Variants in PPP4R3B observed in about 807,000 individuals in gnomAD.
The protein encoded by PPP4R3B is protein phosphatase 4 regulatory subunit 3B, also known as serine/threonine-protein phosphatase 4 regulatory subunit 3B.
In PPP4R3B, 52 loss-of-function variants were observed where a neutral mutation model predicts 95.4. The observed-to-expected ratio is 0.54, with a 90% CI of 0.44 to 0.69. The LOEUF is 0.69. Ranked by LOEUF, PPP4R3B falls within the 30% of genes least tolerant of loss-of-function variation. The pLI, the probability that PPP4R3B is intolerant of heterozygous loss-of-function variation, is 0.00. For synonymous variants in PPP4R3B, 407 were observed against 343.9 expected (o/e 1.18, Z -2.03); for missense variants, 1,003 against 1,005.9 (o/e 1.00, Z 0.04).
intron 7 of PPP4R3B, among the ~76,000 whole-genome samples, chr2:55,582,875 C>G (rs751769465): frequency 6.6e-6 from 1 of 152,066 alleles, no homozygotes. Flanking sequence ...CAGTCAGGTT[C>G]TGCAAGTTTT....
intron 11 of PPP4R3B, among the ~76,000 whole-genome samples, chr2:55,576,567 T>G (rs1416995712): frequency 6.6e-6 from 1 of 151,332 alleles, no homozygotes; most frequent in Non-Finnish European, 1.5e-5. Flanking sequence ...ACGGTGAAAC[T>G]CCGCCTCTAC....
chr2:55,569,143 T>C (rs771952913), intron 12 of PPP4R3B, among the ~76,000 whole-genome samples: 3 of 152,156 alleles, frequency 2.0e-5, no homozygotes, highest in Non-Finnish European at 4.4e-5. Flanking sequence ...AGATAGGAGC[T>C]GAGGGTACAT....
chr2:55,559,048 A>G, intron 15 of PPP4R3B, 80 bp from the exon 16 acceptor site: 1 of 1,160,144 alleles, frequency 8.6e-7, no homozygotes, highest in Non-Finnish European at 1.2e-6. Context: ...GTAATTAAAA[A>G]ACTTATAAAA....
In PPP4R3B at chr2:55,564,303, A is replaced by G. The variant is rs114827448; in HGVS notation, c.2260+10T>C. ...AGGGTACACTGTGCAAAAATTCCGA[A>G]TTTTAATACCTTTTTTAGTCTCCAT... On this transcript the variant is annotated intron_variant, in intron 15 of 16. Transcript: ENST00000616407. The G allele has an allele frequency of 0.022, 35,614 of 1,607,020 alleles. 518 individuals are homozygous for G. Among genetic ancestry groups the G allele is most frequent in the Middle Eastern group, 0.037 (223 of 6,016 alleles).
chr2:55,585,885 C>G lies in PPP4R3B; in HGVS notation c.1117-718G>C, dbSNP rs75368071. The stretch of plus-strand genomic sequence containing the variant: ...TTTCATAATAATAAATAACACTGAG[C>G]CTTTGTCATTTTCACTCTCATTCAA... On this transcript the variant is annotated intron_variant, in intron 6 of 16. Transcript: ENST00000616407. 7.7e-3 allele frequency among the ~76,000 whole-genome samples: 1,164 copies of G among 152,140 alleles called. 21 individuals are homozygous for G. The highest frequency in any genetic ancestry group is 0.027 in the African/African-American group (1,116 of 41,498).
In PPP4R3B at chr2:55,603,102, G is replaced by A. The variant is rs746928774; in HGVS notation, c.297+876C>T. ...CTAGTGGCTGGGACTACAGGCATGC[G>A]CTACCACGCCCAGCTAATTTTTGTA... On this transcript the variant is annotated intron_variant, in intron 3 of 16. Coordinates refer to ENST00000616407, the MANE Select transcript of PPP4R3B (RefSeq NM_001122964.3). 1.2e-4 allele frequency among the ~76,000 whole-genome samples: 19 copies of A among 152,020 alleles called. 1 individual carries two copies. Among genetic ancestry groups the A allele is most frequent in the Admixed American group, 3.3e-4 (5 of 15,262 alleles).
At chr2:55,615,888 A>T (rs936953570) in intron 1 of PPP4R3B, among the ~76,000 whole-genome samples, 1 of 109,308 alleles carries the variant, frequency 9.1e-6, no homozygotes, top group Non-Finnish European at 1.9e-5. Flanking sequence ...AAAAATACAC[A>T]TTTAAACCCC....
intron 4 of PPP4R3B, 24 bp from the exon 5 acceptor site, chr2:55,588,980 T>C (rs760417946): frequency 1.4e-6 from 2 of 1,418,158 alleles, no homozygotes; most frequent in Non-Finnish European, 2.0e-6. Context: ...ATAATTACTA[T>C]GAAATATTAA....
Position 55,579,785 on chromosome 2 carries a change from A to G in PPP4R3B, c.1366-4T>C, listed in dbSNP as rs776461463. On this transcript the variant is annotated splice_region_variant and splice_polypyrimidine_tract_variant and intron_variant, in intron 8 of 16. Coordinates refer to ENST00000616407, the MANE Select transcript of PPP4R3B (RefSeq NM_001122964.3). ...GAAATTCACTTTTTTCGGTTTTCTG[A>G]AACATAGAATTTTTTAAACAATACT... 121 of 1,575,828 alleles carry G rather than the reference A, an allele frequency of 7.7e-5. No homozygotes were observed. The highest frequency in any genetic ancestry group is 1.0e-4 in the Non-Finnish European group (118 of 1,156,164).
chr2:55,559,623 C>G (rs2103863589), intron 15 of PPP4R3B, among the ~76,000 whole-genome samples: 1 of 152,268 alleles, frequency 6.6e-6, no homozygotes, highest in Non-Finnish European at 1.5e-5. Flanking sequence ...CCCCCTTGCT[C>G]TCTCTCTCCT....
intron 7 of PPP4R3B, 27 bp downstream of exon 7, chr2:55,585,024 A>C (rs765803279): frequency 6.6e-7 from 1 of 1,515,402 alleles, no homozygotes. Flanking sequence ...CAGGTAATTC[A>C]CATAGAACCA....
chr2:55,567,242 T>G (rs1687427292), intron 13 of PPP4R3B, among the ~76,000 whole-genome samples: 1 of 152,214 alleles, frequency 6.6e-6, no homozygotes, highest in South Asian at 2.1e-4. Context: ...TGGTCCTGAT[T>G]GTGCTACTAT....
At chr2:55,579,575 TCTCC>T (rs1203012024) in intron 9 of PPP4R3B, 100 bp downstream of exon 9, 1 of 646,460 alleles carries the variant, frequency 1.5e-6, no homozygotes, top group Non-Finnish European at 2.4e-6. Context: ...TCAGTCGTAA[TCTCC>T]CTGTCTTATA....
chr2:55,585,054 A>G lies in PPP4R3B; in HGVS notation c.1230T>C (p.Asp410=). ...EFVMQEAQQS[D]DDILLINVVI... ...GAACCACAGCATTATTACTTACGTC[A>G]TCACTCTGCTGAGCTTCTTGCATTA... Residue 410 remains aspartate (D), a synonymous_variant, in exon 7 of 17, where the codon GAT becomes GAC. Transcript: ENST00000616407. 1 of 1,607,254 alleles carries G rather than the reference A, an allele frequency of 6.2e-7. No individual in the cohort carries two copies. The highest frequency in any genetic ancestry group is 1.1e-5 in the South Asian group (1 of 90,104).
intron 15 of PPP4R3B, among the ~76,000 whole-genome samples, chr2:55,559,746 A>G (rs1011396826): frequency 7.9e-5 from 12 of 152,218 alleles, no homozygotes; most frequent in African/African-American, 2.9e-4. Context: ...TTCATAAATT[A>G]CAGTCTCAGG....
chr2:55,589,882 T>C (rs774768305), intron 4 of PPP4R3B, among the ~76,000 whole-genome samples: 79 of 137,504 alleles, frequency 5.7e-4, no homozygotes, highest in Non-Finnish European at 9.7e-4. Context: ...TGCCACTGTA[T>C]TCCAGCCTGG....
chr2:55,611,235 C>A (rs984131383), intron 2 of PPP4R3B, among the ~76,000 whole-genome samples: 1 of 152,112 alleles, frequency 6.6e-6, no homozygotes, highest in African/African-American at 2.4e-5. Flanking sequence ...AATCATAGCA[C>A]CCTACAGCCT....
At position 55,578,319 on chromosome 2, in the gene PPP4R3B, A is replaced by T; in HGVS notation, c.1492T>A (p.Tyr498Asn). 2.1e-6 allele frequency: 3 copies of T among 1,456,544 alleles called. No homozygotes were observed. The highest frequency in any genetic ancestry group is 3.2e-5 in the South Asian group (2 of 63,096). The allele number at this position is 1,456,544 out of a possible 1,614,324, so 90.2% of individuals were successfully genotyped here. Residue 498 changes from tyrosine (Y) to asparagine (N), a missense_variant, in exon 10 of 17, where the codon TAT (tyrosine) becomes AAT (asparagine). Tyr to Asn is a moderately radical substitution (Grantham distance 143, BLOSUM62 -2). Transcript: ENST00000616407. The part of the protein sequence containing the change: ...EKDFFLKHYR[Y>N]SWSFICTPSH... Reference sequence around the variant, plus strand: ...GGGGTACATATGAAACTCCAACTATATCTGTAATGTTTTAAAAAAAAATCT... The same window carrying T: ...GGGGTACATATGAAACTCCAACTATTTCTGTAATGTTTTAAAAAAAAATCT...
At chr2:55,617,041 C>T (rs1695052306) in intron 1 of PPP4R3B, 103 bp downstream of exon 1, 1 of 1,364,236 alleles carries the variant, frequency 7.3e-7, no homozygotes, top group Non-Finnish European at 9.9e-7. Flanking sequence ...AACCAACGCG[C>T]TGTCCCGAAG....
Sources: allele counts gnomAD v4.1 joint callset (sites outside exome capture counted in the v4.1 genomes callset), GRCh38; gene constraint gnomAD v4.1.1; transcripts MANE v1.5; gene names NCBI Gene and HGNC (gene_info 2026-07-23, HGNC 2026-07-21).